Variants in IZUMO4 observed in about 807,000 individuals in gnomAD.
The protein encoded by IZUMO4 is izumo sperm-egg fusion protein 4.
Under a neutral mutation model 37.1 loss-of-function variants are expected in IZUMO4, and 51 were observed. That is an observed-to-expected ratio of 1.38 (90% CI 1.10 to 1.74). IZUMO4 has a LOEUF of 1.74. Ranked by LOEUF, IZUMO4 falls within the 40% of genes most tolerant of loss-of-function variation. The pLI is 0.00. For synonymous variants in IZUMO4, 162 were observed against 121.4 expected (o/e 1.33, Z -2.20); for missense variants, 364 against 299.6 (o/e 1.21, Z -1.59).
chr19:2,099,482 C>A lies in IZUMO4; in HGVS notation c.*137C>A. 2.0e-6 allele frequency: 1 copy of A among 512,410 alleles called. No homozygotes were observed. The highest frequency in any genetic ancestry group is 3.7e-6 in the Non-Finnish European group (1 of 273,316). The allele number at this position is 512,410 out of a possible 1,614,324, so 31.7% of individuals were successfully genotyped here. The stretch of plus-strand genomic sequence containing the variant: ...CGGACAGAGCTGAGCTGGCCAGGGC[C>A]AGGAGGGCGGGAGGGAGGGAATGGG... On this transcript the variant is annotated 3_prime_UTR_variant, in exon 10 of 10. Coordinates refer to ENST00000395301, the MANE Select transcript of IZUMO4 (RefSeq NM_001039846.2).
chr19:2,099,232 G>A (rs779594110), intron 9 of IZUMO4, 23 bp from the exon 10 acceptor site: 18 of 1,603,366 alleles, frequency 1.1e-5, no homozygotes, highest in Non-Finnish European at 1.5e-5. Context: ...ATGGAGAGCT[G>A]AGGCAGCCTC....
chr19:2,098,788 C>A lies in IZUMO4; in HGVS notation c.538C>A (p.Gln180Lys). 2 of 1,601,496 alleles carry A rather than the reference C, an allele frequency of 1.2e-6. No homozygotes were observed. The highest frequency in any genetic ancestry group is 1.7e-5 in the Admixed American group (1 of 57,368). Residue 180 changes from glutamine (Q) to lysine (K), a missense_variant and splice_region_variant, in exon 8 of 10, where the codon CAG (glutamine) becomes AAG (lysine). By Grantham distance (53) the Gln-to-Lys change is moderately conservative (BLOSUM62 1). Transcript: ENST00000395301. ...LLNYINNWHK[Q>K]DTSMRPRSSA... ...TGACTGCCCCACATTGCCTTTCAGACAGGACACGAGCATGAGGTAAGGCCG... is the reference window on the plus strand; with the variant it reads ...TGACTGCCCCACATTGCCTTTCAGAAAGGACACGAGCATGAGGTAAGGCCG...
Position 2,098,973 on chromosome 19 carries a change from C to G in IZUMO4, c.555-3C>G. On this transcript the variant is annotated splice_region_variant and splice_polypyrimidine_tract_variant and intron_variant, in intron 8 of 9. Transcript: ENST00000395301. ...CACACCCATGTGGTGGTTTCATGAA[C>G]AGACCACGCTCCTCTGCCTTCTCCT... 6.2e-7 allele frequency: 1 copy of G among 1,613,064 alleles called. No individual in the cohort carries two copies. The highest frequency in any genetic ancestry group is 8.5e-7 in the Non-Finnish European group (1 of 1,179,904).
intron 6 of IZUMO4, 47 bp downstream of exon 6, chr19:2,098,381 G>A (rs1427166981): frequency 1.2e-6 from 2 of 1,613,808 alleles, no homozygotes; most frequent in African/African-American, 1.3e-5. Context: ...GGCCTGGGAG[G>A]GAACACTGGC....
chr19:2,098,697 T>A, intron 7 of IZUMO4, 90 bp from the exon 8 acceptor site: 1 of 1,576,456 alleles, frequency 6.3e-7, no homozygotes, highest in East Asian at 2.2e-5. Context: ...TTCCACCCCA[T>A]CCCAGGTCTG....
intron 7 of IZUMO4, 105 bp from the exon 8 acceptor site, chr19:2,098,670 GTCCCCATAGGGT>G: frequency 1.3e-6 from 2 of 1,561,720 alleles, no homozygotes; most frequent in Non-Finnish European, 1.7e-6. Flanking sequence ...TTCCTAAAGG[GTCCCCATAGGGT>G]CTGGTTCCAC....
intron 4 of IZUMO4, 39 bp from the exon 5 acceptor site, chr19:2,098,013 G>C: frequency 6.2e-7 from 1 of 1,613,246 alleles, no homozygotes; most frequent in Non-Finnish European, 8.5e-7. Context: ...GGGCCCTGGA[G>C]GCTGAGGGGA....
At position 2,098,097 on chromosome 19, in the gene IZUMO4, C is replaced by G. The variant is rs146424829; in HGVS notation, c.443C>G (p.Ser148Trp). 1.2e-6 allele frequency: 2 copies of G among 1,613,536 alleles called. No individual in the cohort carries two copies. The highest frequency in any genetic ancestry group is 2.2e-5 in the East Asian group (1 of 44,892). Residue 148 changes from serine (S) to tryptophan (W), a missense_variant, in exon 5 of 10, where the codon TCG (serine) becomes TGG (tryptophan). Transcript: ENST00000395301. The stretch of plus-strand genomic sequence containing the variant: ...ATCTCCTGCAACAACTGCACAGACT[C>G]GCACGTCGCCTGCTTTGGCTATAAC... ...ETISCNNCTD[S>W]HVACFGYNCE... is the part of the protein sequence containing the mutation.
chr19:2,098,971 A>G lies in IZUMO4; in HGVS notation c.555-5A>G, dbSNP rs2017816053. 3 of 1,613,106 alleles carry G rather than the reference A, an allele frequency of 1.9e-6. No individual in the cohort carries two copies. The highest frequency in any genetic ancestry group is 2.5e-6 in the Non-Finnish European group (3 of 1,179,934). On this transcript the variant is annotated splice_region_variant and splice_polypyrimidine_tract_variant and intron_variant, in intron 8 of 9. Transcript: ENST00000395301. ...ACCACACCCATGTGGTGGTTTCATG[A>G]ACAGACCACGCTCCTCTGCCTTCTC...
chr19:2,098,676 A>C, intron 7 of IZUMO4, 111 bp from the exon 8 acceptor site: 1 of 1,566,458 alleles, frequency 6.4e-7, no homozygotes, highest in East Asian at 2.3e-5. Context: ...AAGGGTCCCC[A>C]TAGGGTCTGG....
At chr19:2,098,765 A>G in intron 7 of IZUMO4, 22 bp from the exon 8 acceptor site, 1 of 1,604,598 alleles carries the variant, frequency 6.2e-7, no homozygotes, top group Non-Finnish European at 8.5e-7. Context: ...GGAGGGGCTG[A>G]CTGCCCCACA....
Position 2,098,126 on chromosome 19 carries a change from G to T in IZUMO4, c.472G>T (p.Glu158Ter). 6.2e-7 allele frequency: 1 copy of T among 1,613,472 alleles called. No individual in the cohort carries two copies. The highest frequency in any genetic ancestry group is 2.2e-5 in the East Asian group (1 of 44,882). The change falls in exon 5 of 10, where the codon GAG becomes TAG. Residue 158 changes from glutamate (E) to a stop codon, truncating the protein, a stop_gained and splice_region_variant. Coordinates refer to ENST00000395301, the MANE Select transcript of IZUMO4 (RefSeq NM_001039846.2). LOFTEE classifies it high-confidence loss of function. ...SHVACFGYNC[E>*]SSAQWKSAVQ... Reference sequence around the variant, plus strand: ...CGTCGCCTGCTTTGGCTATAACTGCGAGTAGGGCTCAGGCATCACACCCAC... The same window carrying T: ...CGTCGCCTGCTTTGGCTATAACTGCTAGTAGGGCTCAGGCATCACACCCAC...
intron 3 of IZUMO4, 125 bp from the exon 4 acceptor site, chr19:2,097,804 G>C (rs2017753779): frequency 8.0e-7 from 1 of 1,255,990 alleles, no homozygotes; most frequent in African/African-American, 1.5e-5. Flanking sequence ...ACACATACAT[G>C]AAAACCAGGT....
Position 2,096,915 on chromosome 19 carries a change from G to A in IZUMO4, c.-31G>A, listed in dbSNP as rs766540229. 5 of 1,596,656 alleles carry A rather than the reference G, an allele frequency of 3.1e-6. No individual in the cohort carries two copies. In the South Asian group the frequency reaches 3.3e-5, roughly 11 times the overall value. On this transcript the variant is annotated 5_prime_UTR_variant, in exon 1 of 10. Coordinates refer to ENST00000395301, the MANE Select transcript of IZUMO4 (RefSeq NM_001039846.2). ...TGAAGGGTGTGGCGCGAGCAGCGTC[G>A]TTGGTTGGCCGGCGGCGGGCCGGGA... is the stretch of plus-strand genomic sequence containing the variant.
rs2017759092 is a variant in IZUMO4 at position 2,097,951 on chromosome 19, C to T, written c.393C>T (p.Arg131=). The change falls in exon 4 of 10, where the codon CGC becomes CGT. Residue 131 remains arginine (R), a synonymous_variant. Transcript: ENST00000395301. ...IIESRIDCQH[R]CGIFQYETIS... ...CAGGCCGCATCGACTGTCAGCACCG[C>T]TGTGGTAAGCAAGGCTCCGTCCAGG... The T allele has an allele frequency of 3.1e-6, 5 of 1,613,228 alleles. No homozygotes were observed. The highest frequency in any genetic ancestry group is 4.2e-6 in the Non-Finnish European group (5 of 1,179,990).
At chr19:2,097,574 G>T in intron 3 of IZUMO4, 79 bp downstream of exon 3, 1 of 1,266,712 alleles carries the variant, frequency 7.9e-7, no homozygotes, top group African/African-American at 1.5e-5. Flanking sequence ...AGGCTGGAGT[G>T]ATGTGAACAG....
Position 2,098,316 on chromosome 19 carries a change from A to G in IZUMO4, c.503A>G (p.Gln168Arg), listed in dbSNP as rs1432551319. ...ESSAQWKSAV[Q>R]GLLNYINNWH... is the part of the protein sequence containing the mutation. ...TCGGCGCAGTGGAAGTCAGCTGTCCAGGGCCTCCTGAACTACATGTGAGTG... is the reference window on the plus strand; with the variant it reads ...TCGGCGCAGTGGAAGTCAGCTGTCCGGGGCCTCCTGAACTACATGTGAGTG... Residue 168 changes from glutamine to arginine, a missense_variant, in exon 6 of 10, where the codon CAG becomes CGG. Gln to Arg is a conservative substitution (Grantham distance 43). Coordinates refer to ENST00000395301, the MANE Select transcript of IZUMO4 (RefSeq NM_001039846.2). 2 of 1,613,942 alleles carry G rather than the reference A, an allele frequency of 1.2e-6. No individual in the cohort carries two copies. Among genetic ancestry groups the G allele is most frequent in the South Asian group, 1.1e-5 (1 of 91,082 alleles).
rs201819599 is a variant in IZUMO4 at position 2,097,049 on chromosome 19, A to G, written c.104A>G (p.His35Arg). 94 of 1,612,772 alleles carry G rather than the reference A, an allele frequency of 5.8e-5. No homozygotes were observed. Among genetic ancestry groups the G allele is most frequent in the East Asian group, 4.2e-4 (19 of 44,872 alleles). ...AAGAAGTTCTCCTTCTACCGCCACC[A>G]TGTGAACTTCAAGTCCTGGTGGGTG... ...FSKKFSFYRH[H>R]VNFKSWWVGD... The change falls in exon 1 of 10, where the codon CAT becomes CGT. Residue 35 changes from histidine to arginine, a missense_variant. His to Arg is a conservative substitution (Grantham distance 29). Transcript: ENST00000395301.
Position 2,098,217 on chromosome 19 carries a change from C to A in IZUMO4, c.474-70C>A, listed in dbSNP as rs116108188. On this transcript the variant is annotated intron_variant, in intron 5 of 9. Transcript: ENST00000395301. ...CTTGGAGGGGGCTCCCCGCCTTCCA[C>A]CTGGCTGTCATCGGGTAGGGCGGGG... The A allele has an allele frequency of 7.8e-3, 12,548 of 1,611,772 alleles. 189 individuals are homozygous for A. The highest frequency in any genetic ancestry group is 0.063 in the African/African-American group (4,737 of 75,010).
Sources: allele counts gnomAD v4.1 joint callset, GRCh38; gene constraint gnomAD v4.1.1; transcripts MANE v1.5; gene names NCBI Gene and HGNC (gene_info 2026-07-23, HGNC 2026-07-21).